Variants in BCL2 observed in about 807,000 individuals in gnomAD.
BCL2 encodes the protein apoptosis regulator Bcl-2.
Under a neutral mutation model 14.2 loss-of-function variants are expected in BCL2, and 1 was observed. The ratio of observed to expected loss-of-function variants is 0.07; its 90% CI spans 0.02 to 0.33. The LOEUF (loss-of-function observed/expected upper bound fraction) is 0.33. Ranked by LOEUF, BCL2 falls within the 10% of genes least tolerant of loss-of-function variation. The probability of loss-of-function intolerance (pLI) is 0.99; values close to 1 mark genes in which losing one functional copy is unlikely to be tolerated. For missense variants in BCL2, 247 were observed against 305.9 expected (o/e 0.81, Z 1.44); for synonymous variants, 151 against 137.2 (o/e 1.10, Z -0.70).
chr18:63,312,281 G>T (rs1913351510), intron 2 of BCL2, among the ~76,000 whole-genome samples: 2 of 152,222 alleles, frequency 1.3e-5, no homozygotes, highest in Non-Finnish European at 2.9e-5. Flanking sequence ...GCAGGTAGGG[G>T]ATGGTCACAG....
chr18:63,218,200 C>G (rs911214521), intron 2 of BCL2, among the ~76,000 whole-genome samples: 1 of 152,010 alleles, frequency 6.6e-6, no homozygotes, highest in African/African-American at 2.4e-5. Flanking sequence ...AAATGTGGCT[C>G]AAGCTCATGT....
chr18:63,212,013 C>T (rs1405430907), intron 2 of BCL2, among the ~76,000 whole-genome samples: 1 of 152,146 alleles, frequency 6.6e-6, no homozygotes, highest in Admixed American at 6.6e-5. Context: ...TTTAGTTGCC[C>T]CTAACCATGT....
intron 2 of BCL2, among the ~76,000 whole-genome samples, chr18:63,139,059 A>G (rs923762688): frequency 3.9e-5 from 6 of 152,218 alleles, no homozygotes; most frequent in African/African-American, 1.4e-4. Flanking sequence ...TGGCTATTCC[A>G]GAGATGGACC....
At chr18:63,133,125 C>T (rs897857224) in intron 2 of BCL2, among the ~76,000 whole-genome samples, 1 of 152,264 alleles carries the variant, frequency 6.6e-6, no homozygotes, top group Admixed American at 6.5e-5. Flanking sequence ...CCCAAGGGGA[C>T]AGGATGGCTA....
chr18:63,218,794 T>TCCA (rs1290330018), intron 2 of BCL2, among the ~76,000 whole-genome samples: 1 of 52,010 alleles, frequency 1.9e-5, no homozygotes. Context: ...CTCATCCCCA[T>TCCA]CTACTCATCC....
chr18:63,186,548 C>G (rs1431933342), intron 2 of BCL2, among the ~76,000 whole-genome samples: 1 of 152,210 alleles, frequency 6.6e-6, no homozygotes, highest in African/African-American at 2.4e-5. Flanking sequence ...CCACTTATGG[C>G]TGACCTTGAA....
At chr18:63,183,136 A>G (rs916901894) in intron 2 of BCL2, among the ~76,000 whole-genome samples, 7 of 152,166 alleles carry the variant, frequency 4.6e-5, no homozygotes, top group African/African-American at 1.4e-4. Context: ...GAAAACAAAC[A>G]CAAAACCTTC....
intron 2 of BCL2, among the ~76,000 whole-genome samples, chr18:63,313,180 G>A (rs2144310506): frequency 6.6e-6 from 1 of 152,278 alleles, no homozygotes; most frequent in Admixed American, 6.5e-5. Flanking sequence ...TAAGATGCCT[G>A]CAACACTAGC....
intron 2 of BCL2, among the ~76,000 whole-genome samples, chr18:63,285,734 C>A (rs1912453716): frequency 6.6e-6 from 1 of 152,122 alleles, no homozygotes; most frequent in East Asian, 1.9e-4. Flanking sequence ...TGCACCGTTT[C>A]CATGCAGGGC....
intron 2 of BCL2, among the ~76,000 whole-genome samples, chr18:63,253,288 T>G (rs1183693432): frequency 1.3e-5 from 2 of 152,146 alleles, no homozygotes; most frequent in East Asian, 3.8e-4. Context: ...GCAGACCATC[T>G]CCAGTCCATA....
chr18:63,229,377 AG>A (rs1910630976), intron 2 of BCL2, among the ~76,000 whole-genome samples: 1 of 152,156 alleles, frequency 6.6e-6, no homozygotes, highest in South Asian at 2.1e-4. Context: ...TTTAGAATGA[AG>A]TCCTCTGTTA....
intron 2 of BCL2, among the ~76,000 whole-genome samples, chr18:63,299,558 C>T (rs1404138055): frequency 6.6e-6 from 1 of 152,216 alleles, no homozygotes; most frequent in Non-Finnish European, 1.5e-5. Flanking sequence ...CTGCTAGAAA[C>T]CTTTTACTGG....
At chr18:63,257,185 A>G (rs1380583541) in intron 2 of BCL2, among the ~76,000 whole-genome samples, 1 of 152,204 alleles carries the variant, frequency 6.6e-6, no homozygotes, top group Non-Finnish European at 1.5e-5. Flanking sequence ...TGAAATCCAA[A>G]GTTTGGCTAG....
intron 2 of BCL2, among the ~76,000 whole-genome samples, chr18:63,160,451 G>C (rs1281142455): frequency 6.6e-6 from 1 of 152,086 alleles, no homozygotes; most frequent in Non-Finnish European, 1.5e-5. Flanking sequence ...GGAAGTTGAG[G>C]CTGAATAGTC....
chr18:63,181,950 T>C (rs148037100), intron 2 of BCL2, among the ~76,000 whole-genome samples: 1 of 152,186 alleles, frequency 6.6e-6, no homozygotes, highest in Non-Finnish European at 1.5e-5. Flanking sequence ...ATCGTCCTTT[T>C]GCTGGGGATC....
intron 2 of BCL2, among the ~76,000 whole-genome samples, chr18:63,169,766 AC>A (rs1915179365): frequency 6.6e-6 from 1 of 151,552 alleles, no homozygotes; most frequent in African/African-American, 2.4e-5. Context: ...CTCATGATCC[AC>A]CCGCCTCGGC....
intron 2 of BCL2, among the ~76,000 whole-genome samples, chr18:63,177,944 G>T (rs1341317303): frequency 6.6e-6 from 1 of 152,124 alleles, no homozygotes; most frequent in African/African-American, 2.4e-5. Context: ...GCCCCGCCAG[G>T]TCAGCCTGCA....
At chr18:63,258,738 T>TA (rs1218692923) in intron 2 of BCL2, among the ~76,000 whole-genome samples, 1 of 152,220 alleles carries the variant, frequency 6.6e-6, no homozygotes, top group Non-Finnish European at 1.5e-5. Flanking sequence ...CAAAGTAGCC[T>TA]AAATGTCTTG....
At chr18:63,196,280 A>C (rs1909442636) in intron 2 of BCL2, among the ~76,000 whole-genome samples, 1 of 152,260 alleles carries the variant, frequency 6.6e-6, no homozygotes, top group South Asian at 2.1e-4. Context: ...TAACTTGTTA[A>C]AAACTATTTT....
Sources: allele counts gnomAD v4.1 joint callset (sites outside exome capture counted in the v4.1 genomes callset), GRCh38; gene constraint gnomAD v4.1.1; transcripts MANE v1.5; gene names NCBI Gene and HGNC (gene_info 2026-07-23, HGNC 2026-07-21).